USP3: variants seen among roughly 807,000 people sequenced by gnomAD.
The protein encoded by USP3 is ubiquitin specific peptidase 3.
A neutral mutation model predicts 72.3 loss-of-function variants in USP3; 20 were observed. The ratio of observed to expected loss-of-function variants is 0.28; its 90% CI spans 0.19 to 0.40. The LOEUF is 0.40. Among genes scored for constraint, USP3 ranks in the 10% least tolerant of loss-of-function variants. USP3 has a pLI of 1.00. For synonymous variants in USP3, 222 were observed against 225.3 expected (o/e 0.99, Z 0.13); for missense variants, 479 against 633.9 (o/e 0.76, Z 2.62).
intron 11 of USP3, among the ~76,000 whole-genome samples, chr15:63,587,393 C>A (rs2067091362): frequency 6.6e-6 from 1 of 152,258 alleles, no homozygotes; most frequent in Admixed American, 6.5e-5. Context: ...GGAATTGGCA[C>A]AGGGGCCAAA....
Position 63,588,737 on chromosome 15 carries a change from A to G in USP3, c.1251A>G (p.Thr417=). 1 of 1,614,184 alleles carries G rather than the reference A, an allele frequency of 6.2e-7. No individual in the cohort carries two copies. Among genetic ancestry groups the G allele is most frequent in the Non-Finnish European group, 8.5e-7 (1 of 1,179,982 alleles). The change falls in exon 13 of 15, where the codon ACA becomes ACG. Residue 417 remains threonine, a synonymous_variant. Coordinates refer to ENST00000380324, the MANE Select transcript of USP3 (RefSeq NM_006537.4). The surrounding 1 kb of genome is among the most constrained non-coding windows in gnomAD (Gnocchi z 4.6). ...LCLHLKRFHW[T]AYLRNKVDTY... is the part of the protein sequence containing the mutation. ...TACATTTGAAAAGATTTCATTGGACAGCATATTTAAGAAATAAAGTTGATA... is the reference window on the plus strand; with the variant it reads ...TACATTTGAAAAGATTTCATTGGACGGCATATTTAAGAAATAAAGTTGATA...
At chr15:63,512,193 C>T (rs898204116) in intron 1 of USP3, among the ~76,000 whole-genome samples, 8 of 151,922 alleles carry the variant, frequency 5.3e-5, no homozygotes, top group African/African-American at 7.3e-5. Context: ...GCCTTGGCCT[C>T]CCAAAGTGCT....
intron 3 of USP3, among the ~76,000 whole-genome samples, chr15:63,552,164 GA>G (rs2066446697): frequency 6.6e-6 from 1 of 152,044 alleles, no homozygotes; most frequent in Non-Finnish European, 1.5e-5. Context: ...TCGAGTTTTG[GA>G]CACTGAGGAT....
Position 63,588,211 on chromosome 15 carries a change from A to G in USP3, c.1097-94A>G, listed in dbSNP as rs574714227. 7.3e-6 allele frequency: 7 copies of G among 959,604 alleles called. No homozygotes were observed. Among genetic ancestry groups the G allele is most frequent in the South Asian group, 3.5e-5 (2 of 56,806 alleles). The allele number at this position is 959,604 out of a possible 1,614,324, so 59.4% of individuals were successfully genotyped here. On this transcript the variant is annotated intron_variant, in intron 11 of 14. Transcript: ENST00000380324. This position sits in a 1 kb window ranked among gnomAD's most constrained non-coding sequence, Gnocchi z 4.6. ...ACTTTTCTAAGGTCGTATAGCTAAT[A>G]AAGCTGAGATTTTAAACCTGGGTCT...
At chr15:63,556,592 G>C in intron 4 of USP3, 75 bp from the exon 5 acceptor site, 2 of 1,211,570 alleles carry the variant, frequency 1.7e-6, no homozygotes, top group Non-Finnish European at 2.3e-6. Flanking sequence ...GAGGGCAGCT[G>C]GAGTTTATTC....
intron 8 of USP3, among the ~76,000 whole-genome samples, chr15:63,564,119 A>G (rs2066649898): frequency 6.6e-6 from 1 of 152,202 alleles, no homozygotes; most frequent in South Asian, 2.1e-4. Context: ...TAAATCACCT[A>G]GTAGACTCTT....
chr15:63,510,147 T>G, intron 1 of USP3, among the ~76,000 whole-genome samples: 1 of 152,234 alleles, frequency 6.6e-6, no homozygotes, highest in Middle Eastern at 3.2e-3. Flanking sequence ...AGATTGATTT[T>G]GGATCCTTCA....
intron 8 of USP3, among the ~76,000 whole-genome samples, chr15:63,564,721 A>G (rs892609061): frequency 6.6e-6 from 1 of 152,342 alleles, no homozygotes; most frequent in Non-Finnish European, 1.5e-5. Context: ...ATTTCAGATC[A>G]TACATGAACT....
At chr15:63,534,767 A>G (rs1206186018) in intron 2 of USP3, among the ~76,000 whole-genome samples, 4 of 152,162 alleles carry the variant, frequency 2.6e-5, no homozygotes, top group Non-Finnish European at 4.4e-5. Flanking sequence ...AAAAATGTGC[A>G]AGTGGTAATG....
At chr15:63,537,793 C>T (rs1364248801) in intron 3 of USP3, among the ~76,000 whole-genome samples, 1 of 152,184 alleles carries the variant, frequency 6.6e-6, no homozygotes, top group Admixed American at 6.5e-5. Context: ...TCAAGCAACT[C>T]TCCTGCCTCA....
At chr15:63,584,096 T>G (rs912996722) in intron 11 of USP3, among the ~76,000 whole-genome samples, 31 of 142,126 alleles carry the variant, frequency 2.2e-4, no homozygotes, top group African/African-American at 6.6e-4. Context: ...GGTTTTGTTT[T>G]TTTTTTTTTT....
intron 1 of USP3, among the ~76,000 whole-genome samples, chr15:63,515,757 A>G (rs561674052): frequency 3.1e-4 from 47 of 152,364 alleles, no homozygotes; most frequent in African/African-American, 1.1e-3. Context: ...AGATTAATTC[A>G]TGTTTTCAGA....
intron 3 of USP3, among the ~76,000 whole-genome samples, chr15:63,547,800 GGCATAGAGAGAGGCAT>G (rs1567108743): frequency 7.1e-3 from 349 of 49,426 alleles, no homozygotes; most frequent in East Asian, 0.033. Context: ...GAGAGAGAGA[GGCATAGAGAGAGGCAT>G]AGAGAGAGAG....
At chr15:63,518,128 G>A (rs1012594418) in intron 1 of USP3, among the ~76,000 whole-genome samples, 1 of 152,100 alleles carries the variant, frequency 6.6e-6, no homozygotes, top group African/African-American at 2.4e-5. Flanking sequence ...GATCTTATTA[G>A]TTACTCAGAG....
At chr15:63,525,859 C>A (rs1462042117) in intron 1 of USP3, among the ~76,000 whole-genome samples, 1 of 152,148 alleles carries the variant, frequency 6.6e-6, no homozygotes, top group Non-Finnish European at 1.5e-5. Flanking sequence ...AGAGGAATAA[C>A]AGTTTTACTA....
intron 11 of USP3, among the ~76,000 whole-genome samples, chr15:63,575,373 CTT>C (rs1241493660): frequency 2.6e-5 from 4 of 152,004 alleles, no homozygotes; most frequent in Non-Finnish European, 4.4e-5. Context: ...AGAAATAAAA[CTT>C]TTGTTGGAGA....
chr15:63,580,825 T>A (rs1566917128), intron 11 of USP3, among the ~76,000 whole-genome samples: 1 of 151,946 alleles, frequency 6.6e-6, no homozygotes, highest in Non-Finnish European at 1.5e-5. Context: ...TAGACTCTTT[T>A]TGAGATGGAG....
In USP3 at chr15:63,574,395, C is replaced by T. The variant is rs763533396; in HGVS notation, c.1088C>T (p.Ser363Leu). The stretch of plus-strand genomic sequence containing the variant: ...AATCAAGAAAATGGACCAGTTTGTT[C>T]GTTACGAGGTAAAGATACTTGAATG... ...SKNQENGPVC[S>L]LRDCLRSFTD... Residue 363 changes from serine (S) to leucine (L), a missense_variant, in exon 11 of 15, where the codon TCG (serine) becomes TTG (leucine). Coordinates refer to ENST00000380324, the MANE Select transcript of USP3 (RefSeq NM_006537.4). This position sits in a 1 kb window ranked among gnomAD's most constrained non-coding sequence, Gnocchi z 4.6. 7 of 1,601,810 alleles carry T rather than the reference C, an allele frequency of 4.4e-6. No homozygotes were observed. Among genetic ancestry groups the T allele is most frequent in the South Asian group, 1.1e-5 (1 of 88,098 alleles).
At chr15:63,590,202 A>C (rs2067165836) in intron 14 of USP3, among the ~76,000 whole-genome samples, 3 of 152,102 alleles carry the variant, frequency 2.0e-5, no homozygotes, top group Admixed American at 2.0e-4. Context: ...GCACCTACAA[A>C]GGTCTGTTCT....
Sources: allele counts gnomAD v4.1 joint callset (sites outside exome capture counted in the v4.1 genomes callset), GRCh38; gene constraint gnomAD v4.1.1; non-coding constraint Gnocchi (gnomAD v3.1); transcripts MANE v1.5; gene names NCBI Gene and HGNC (gene_info 2026-07-23, HGNC 2026-07-21).